The following F5 variants were observed in gnomAD, a reference collection of about 807,000 sequenced individuals.
F5 encodes coagulation factor V.
A neutral mutation model predicts 216.4 loss-of-function variants in F5; 138 were observed. The observed-to-expected ratio is 0.64, with a 90% confidence interval of 0.56 to 0.73. The LOEUF (loss-of-function observed/expected upper bound fraction) is 0.73. Ranked by LOEUF, F5 falls within the 30% of genes least tolerant of loss-of-function variation. The pLI is 0.00. For missense variants in F5, 2,403 were observed against 2,674.0 expected, an observed-to-expected ratio of 0.90 and a Z score of 2.24; for synonymous variants, 916 against 930.7, an observed-to-expected ratio of 0.98 and a Z score of 0.29.
chr1:169,575,834 A>ACAG (rs1660834111), intron 2 of F5, among the ~76,000 whole-genome samples: 1 of 152,056 alleles, frequency 6.6e-6, no homozygotes, highest in Non-Finnish European at 1.5e-5. Flanking sequence ...CCACGTCCTA[A>ACAG]TCTCTGGGAC....
chr1:169,528,449 G>A (rs1304127854), intron 16 of F5, among the ~76,000 whole-genome samples: 1 of 152,018 alleles, frequency 6.6e-6, no homozygotes, highest in African/African-American at 2.4e-5. Flanking sequence ...TACAAATATG[G>A]GCAGACAAAG....
intron 5 of F5, among the ~76,000 whole-genome samples, chr1:169,558,646 T>C (rs1262422380): frequency 1.3e-5 from 2 of 152,222 alleles, no homozygotes; most frequent in Admixed American, 6.5e-5. Context: ...ACGATTGCTA[T>C]GATTTTGCCT....
intron 7 of F5, among the ~76,000 whole-genome samples, chr1:169,554,496 G>A (rs182036470): frequency 1.4e-3 from 217 of 152,238 alleles, no homozygotes; most frequent in Non-Finnish European, 2.5e-3. Context: ...TACTACTAAC[G>A]TTGCAACAGT....
intron 2 of F5, among the ~76,000 whole-genome samples, chr1:169,577,650 G>A (rs899391662): frequency 7.2e-6 from 1 of 139,852 alleles, no homozygotes; most frequent in African/African-American, 2.6e-5. Flanking sequence ...ACATTGCCCA[G>A]GCTGGTCTAA....
intron 1 of F5, among the ~76,000 whole-genome samples, chr1:169,584,002 G>A (rs1661044892): frequency 6.6e-6 from 1 of 152,172 alleles, no homozygotes; most frequent in African/African-American, 2.4e-5. Flanking sequence ...TCTAACTTAA[G>A]AATTCCAGGA....
At chr1:169,562,863 T>C (rs1023863468) in intron 3 of F5, among the ~76,000 whole-genome samples, 1 of 152,024 alleles carries the variant, frequency 6.6e-6, no homozygotes, top group East Asian at 1.9e-4. Flanking sequence ...GCCTTTTTAA[T>C]AGATTAAAAC....
At chr1:169,586,162 A>C in intron 1 of F5, 67 bp downstream of exon 1, 1 of 1,586,552 alleles carries the variant, frequency 6.3e-7, no homozygotes, top group Non-Finnish European at 8.6e-7. Context: ...TTGCAAAGGG[A>C]ATGTTCTCTA....
In F5 at chr1:169,560,573, G is replaced by A; in HGVS notation, c.567C>T (p.Pro189=). 1.2e-6 allele frequency: 2 copies of A among 1,613,594 alleles called. No homozygotes were observed. The highest frequency in any genetic ancestry group is 1.7e-6 in the Non-Finnish European group (2 of 1,179,726). Residue 189 remains proline (P), a synonymous_variant, in exon 4 of 25, where the codon CCC becomes CCT. Transcript: ENST00000367797. ...TCTTACCTTTTTTACAGATAAGCAG[G>A]GGCCCAATCAGCCCCGAGTTGAAAT... ...IEDFNSGLIG[P]LLICKKGTLT...
chr1:169,527,785 G>A (rs1659494099), intron 17 of F5, 130 bp downstream of exon 17: 1 of 1,201,656 alleles, frequency 8.3e-7, no homozygotes, highest in Non-Finnish European at 1.2e-6. Context: ...GTTTGCCTAG[G>A]CTCTATGCCA....
chr1:169,522,079 G>A (rs1488426193), intron 21 of F5, among the ~76,000 whole-genome samples: 6 of 151,784 alleles, frequency 4.0e-5, no homozygotes, highest in Admixed American at 2.6e-4. Context: ...ACTTAACAAC[G>A]TAGAGGGAAT....
intron 6 of F5, among the ~76,000 whole-genome samples, chr1:169,556,181 A>G (rs930913908): frequency 6.6e-6 from 1 of 152,086 alleles, no homozygotes. Context: ...ACACACATTC[A>G]TTGAGTTCCT....
At chr1:169,581,539 C>A (rs563319213) in intron 2 of F5, among the ~76,000 whole-genome samples, 5 of 151,926 alleles carry the variant, frequency 3.3e-5, no homozygotes, top group African/African-American at 1.2e-4. Context: ...AGGAAGACTC[C>A]CATTGACTAA....
intron 7 of F5, among the ~76,000 whole-genome samples, chr1:169,554,758 A>G (rs1459119584): frequency 6.6e-6 from 1 of 152,236 alleles, no homozygotes; most frequent in Non-Finnish European, 1.5e-5. Context: ...TAGTATTCCC[A>G]TGAAGTTTAA....
At chr1:169,556,135 C>A (rs1237132297) in intron 6 of F5, among the ~76,000 whole-genome samples, 1 of 152,086 alleles carries the variant, frequency 6.6e-6, no homozygotes, top group Non-Finnish European at 1.5e-5. Flanking sequence ...TTCTTTGGAG[C>A]TCACCCCTCA....
chr1:169,581,744 A>C (rs1660990564), intron 2 of F5, among the ~76,000 whole-genome samples: 1 of 152,200 alleles, frequency 6.6e-6, no homozygotes, highest in Non-Finnish European at 1.5e-5. Flanking sequence ...TTAGAACCCT[A>C]TTCAACCCAG....
chr1:169,547,761 C>T (rs1430211295), intron 10 of F5, among the ~76,000 whole-genome samples: 2 of 152,002 alleles, frequency 1.3e-5, no homozygotes, highest in East Asian at 1.9e-4. Context: ...ATTAGTTCAA[C>T]CATTGTGGAA....
At chr1:169,556,204 CT>C (rs1660320710) in intron 6 of F5, among the ~76,000 whole-genome samples, 1 of 152,036 alleles carries the variant, frequency 6.6e-6, no homozygotes, top group African/African-American at 2.4e-5. Flanking sequence ...CTGTGCTAGA[CT>C]TTGTGTTCAT....
intron 14 of F5, among the ~76,000 whole-genome samples, chr1:169,535,899 G>T (rs945216093): frequency 1.3e-5 from 2 of 152,050 alleles, no homozygotes; most frequent in Admixed American, 6.6e-5. Flanking sequence ...TTAGAATCAG[G>T]GTTCTTTCTG....
chr1:169,540,425 C>A lies in F5; in HGVS notation c.4665G>T (p.Arg1555Ser). 6.2e-7 allele frequency: 1 copy of A among 1,613,966 alleles called. No individual in the cohort carries two copies. Among genetic ancestry groups the A allele is most frequent in the African/African-American group, 1.3e-5 (1 of 74,996 alleles). Residue 1555 changes from arginine (R) to serine (S), a missense_variant, in exon 13 of 25, where the codon AGG becomes AGT. This residue lies in a region of F5 where 293 missense variants were observed against 270.8 expected (regional missense o/e 1.08). Coordinates refer to ENST00000367797, the MANE Select transcript of F5 (RefSeq NM_000130.5). ...PYDDPYKTDV[R>S]TNINSSRDPD... Reference sequence around the variant, plus strand: ...GATCTCTGGAGGAGTTGATGTTTGTCCTAACATCAGTTTTGTAGGGGTCAT... The same window carrying A: ...GATCTCTGGAGGAGTTGATGTTTGTACTAACATCAGTTTTGTAGGGGTCAT...
Sources: allele counts gnomAD v4.1 joint callset (sites outside exome capture counted in the v4.1 genomes callset), GRCh38; gene constraint gnomAD v4.1.1; regional missense constraint gnomAD v4.1.1; transcripts MANE v1.5; gene names NCBI Gene and HGNC (gene_info 2026-07-23, HGNC 2026-07-21).